CTNNBIP1: variants seen among roughly 807,000 people sequenced by gnomAD.
CTNNBIP1 encodes the protein beta-catenin-interacting protein 1.
A neutral mutation model predicts 11.8 loss-of-function variants in CTNNBIP1; 7 were observed. That is an observed-to-expected ratio of 0.60 (90% CI 0.34 to 1.12). The LOEUF (loss-of-function observed/expected upper bound fraction) is 1.12, where lower values mean the gene tolerates loss of function less well. Ranked by LOEUF, CTNNBIP1 falls within the 50% of genes most tolerant of loss-of-function variation. The pLI is 0.03. For missense variants in CTNNBIP1, 101 were observed against 113.4 expected (o/e 0.89, Z 0.50); for synonymous variants, 58 against 43.9 (o/e 1.32, Z -1.26).
chr1:9,861,454 G>A (rs1638624410), intron 5 of CTNNBIP1, among the ~76,000 whole-genome samples: 1 of 152,204 alleles, frequency 6.6e-6, no homozygotes, highest in African/African-American at 2.4e-5. Flanking sequence ...GTCCCCAGGG[G>A]ATGGCTTTTA....
At chr1:9,900,640 G>C (rs1639504451) in intron 1 of CTNNBIP1, among the ~76,000 whole-genome samples, 1 of 152,204 alleles carries the variant, frequency 6.6e-6, no homozygotes, top group Non-Finnish European at 1.5e-5. Flanking sequence ...AGGGAGGAAG[G>C]AGCCAGGTCT....
chr1:9,896,731 G>A (rs893080714), intron 1 of CTNNBIP1, among the ~76,000 whole-genome samples: 5 of 151,954 alleles, frequency 3.3e-5, no homozygotes, highest in Admixed American at 2.6e-4. Flanking sequence ...CACTTTGAGA[G>A]ACCAAGGTGG....
At chr1:9,882,826 C>T (rs751651768) in intron 2 of CTNNBIP1, among the ~76,000 whole-genome samples, 1 of 152,086 alleles carries the variant, frequency 6.6e-6, no homozygotes, top group East Asian at 1.9e-4. Flanking sequence ...CCCATGGAGG[C>T]GCAAAAGCAG....
chr1:9,882,917 C>T (rs1476189537), intron 2 of CTNNBIP1, among the ~76,000 whole-genome samples: 4 of 152,272 alleles, frequency 2.6e-5, no homozygotes, highest in Non-Finnish European at 4.4e-5. Context: ...GGGCCAGAAT[C>T]GAAACACGGT....
At chr1:9,909,929 C>T (rs1639701611) in intron 1 of CTNNBIP1, among the ~76,000 whole-genome samples, 166 bp downstream of exon 1, 1 of 151,894 alleles carries the variant, frequency 6.6e-6, no homozygotes, top group South Asian at 2.1e-4. Context: ...GCGGCCAGGC[C>T]CAGACCAGGG....
chr1:9,882,332 C>T (rs947169510), intron 2 of CTNNBIP1, among the ~76,000 whole-genome samples: 2 of 152,226 alleles, frequency 1.3e-5, no homozygotes, highest in Non-Finnish European at 2.9e-5. Context: ...GAGAGGCTTC[C>T]AATGAGCAGG....
intron 3 of CTNNBIP1, among the ~76,000 whole-genome samples, chr1:9,877,680 G>T (rs1638999781): frequency 6.6e-6 from 1 of 152,184 alleles, no homozygotes; most frequent in Non-Finnish European, 1.5e-5. Flanking sequence ...ATATTATCCA[G>T]AATCTGTACA....
intron 1 of CTNNBIP1, among the ~76,000 whole-genome samples, chr1:9,907,783 C>T (rs1281157435): frequency 6.6e-6 from 1 of 152,172 alleles, no homozygotes; most frequent in Non-Finnish European, 1.5e-5. Context: ...AGACTGATTC[C>T]ACCTCTTCGT....
chr1:9,881,181 T>A (rs1227084420), intron 2 of CTNNBIP1, among the ~76,000 whole-genome samples: 1 of 151,712 alleles, frequency 6.6e-6, no homozygotes, highest in Non-Finnish European at 1.5e-5. Context: ...ACCACAGGCA[T>A]GCACCACCAT....
intron 1 of CTNNBIP1, among the ~76,000 whole-genome samples, chr1:9,909,618 C>T (rs1639691035): frequency 1.3e-5 from 2 of 152,174 alleles, no homozygotes; most frequent in Admixed American, 6.5e-5. Flanking sequence ...ATATGTGCCC[C>T]CACCAGGTAC....
At position 9,865,169 on chromosome 1, in the gene CTNNBIP1, C is replaced by T. The variant is rs1486524958; in HGVS notation, c.187+6018G>A. On this transcript the variant is annotated intron_variant, in intron 5 of 5. Coordinates refer to ENST00000377263, the MANE Select transcript of CTNNBIP1 (RefSeq NM_020248.3). ...GCTTGAACCTGTGAGGTGGAGGTTG[C>T]AGTGAGCCAAGATAGCACCACTGCA... is the stretch of plus-strand genomic sequence containing the variant. Among the ~76,000 whole-genome samples the T allele has an allele frequency of 2.0e-5, 3 of 149,626 alleles. No homozygotes were observed. The South Asian group carries it at 6.3e-4, about 31-fold the overall frequency.
intron 1 of CTNNBIP1, among the ~76,000 whole-genome samples, chr1:9,885,625 C>T (rs1396870577): frequency 6.7e-6 from 1 of 148,416 alleles, no homozygotes; most frequent in Non-Finnish European, 1.5e-5. Context: ...GCCTAGGTGA[C>T]AGGGCAAGAC....
Position 9,860,420 on chromosome 1 carries a change from G to A in CTNNBIP1, c.188-9644C>T, listed in dbSNP as rs796398554. Among the ~76,000 whole-genome samples, 9 of 112,932 alleles carry A rather than the reference G, an allele frequency of 8.0e-5. No individual in the cohort carries two copies. In the East Asian group the frequency reaches 1.9e-3, roughly 24 times the overall value. 74.1% of individuals were successfully genotyped at this position (112,932 alleles called of 152,430 possible). On this transcript the variant is annotated intron_variant, in intron 5 of 5. Coordinates refer to ENST00000377263, the MANE Select transcript of CTNNBIP1 (RefSeq NM_020248.3). The stretch of plus-strand genomic sequence containing the variant: ...AGCCTGGCCAACATGGTGAAACCCC[G>A]TCTCTACTAAAAAAAAAAAAAAAAA...
Position 9,886,580 on chromosome 1 carries a change from G to A in CTNNBIP1, c.-143-2842C>T, listed in dbSNP as rs143505336. Reference sequence around the variant, plus strand: ...CGTCCCTACAGGGCTTTACAAATGGGCATGCCATGGTGCACAGAGGTGACA... The same window carrying A: ...CGTCCCTACAGGGCTTTACAAATGGACATGCCATGGTGCACAGAGGTGACA... On this transcript the variant is annotated intron_variant, in intron 1 of 5. Coordinates refer to ENST00000377263, the MANE Select transcript of CTNNBIP1 (RefSeq NM_020248.3). Among the ~76,000 whole-genome samples the A allele has an allele frequency of 4.1e-4, 63 of 152,290 alleles. No individual in the cohort carries two copies. The East Asian group carries it at 0.012, about 29-fold the overall frequency.
chr1:9,907,320 G>A (rs1489078322), intron 1 of CTNNBIP1, among the ~76,000 whole-genome samples: 7 of 152,118 alleles, frequency 4.6e-5, no homozygotes, highest in South Asian at 4.1e-4. Flanking sequence ...ACAGGCACTC[G>A]CCATCATGCC....
Position 9,871,200 on chromosome 1 carries a change from G to T in CTNNBIP1, c.174C>A (p.His58Gln). The change falls in exon 5 of 6, where the codon CAC (histidine) becomes CAA (glutamine). Residue 58 changes from histidine (H) to glutamine (Q), a missense_variant. Coordinates refer to ENST00000377263, the MANE Select transcript of CTNNBIP1 (RefSeq NM_020248.3). This position sits in a 1 kb window ranked among gnomAD's most constrained non-coding sequence, Gnocchi z 5.2. ...CCGCCAACTCACCCTGGTCGATGGAGTGCGGAGGCAGCTGGCTGAGCTGGC... is the reference window on the plus strand; with the variant it reads ...CCGCCAACTCACCCTGGTCGATGGATTGCGGAGGCAGCTGGCTGAGCTGGC... The part of the protein sequence containing the change: ...VNSQLSQLPP[H>Q]SIDQGAEDVV... 6.3e-7 allele frequency: 1 copy of T among 1,575,874 alleles called. No homozygotes were observed. Among genetic ancestry groups the T allele is most frequent in the Non-Finnish European group, 8.6e-7 (1 of 1,161,364 alleles).
At chr1:9,906,628 C>T (rs1028447312) in intron 1 of CTNNBIP1, among the ~76,000 whole-genome samples, 1 of 152,182 alleles carries the variant, frequency 6.6e-6, no homozygotes, top group Non-Finnish European at 1.5e-5. Context: ...TTGGTCAGCA[C>T]CAGCAGCAGC....
rs115063530 is a variant in CTNNBIP1, at chr1:9,858,096, C to T, written c.188-7320G>A. Reference sequence around the variant, plus strand: ...TCCACACACAATGCATCAGCAAATCCCATTGACTCTACTTCGCTACTTATA... The same window carrying T: ...TCCACACACAATGCATCAGCAAATCTCATTGACTCTACTTCGCTACTTATA... On this transcript the variant is annotated intron_variant, in intron 5 of 5. Coordinates refer to ENST00000377263, the MANE Select transcript of CTNNBIP1 (RefSeq NM_020248.3). 2.6e-3 allele frequency among the ~76,000 whole-genome samples: 394 copies of T among 152,266 alleles called. 1 individual carries two copies. Among genetic ancestry groups the T allele is most frequent in the African/African-American group, 8.4e-3 (348 of 41,542 alleles).
At chr1:9,853,869 T>C (rs1195619729) in intron 5 of CTNNBIP1, among the ~76,000 whole-genome samples, 1 of 151,420 alleles carries the variant, frequency 6.6e-6, no homozygotes, top group Non-Finnish European at 1.5e-5. Context: ...GTATCTCACA[T>C]GAATATAGAT....
Sources: allele counts gnomAD v4.1 joint callset (sites outside exome capture counted in the v4.1 genomes callset), GRCh38; gene constraint gnomAD v4.1.1; non-coding constraint Gnocchi (gnomAD v3.1); transcripts MANE v1.5; gene names NCBI Gene and HGNC (gene_info 2026-07-23, HGNC 2026-07-21).